The following KRIT1 variants were observed in gnomAD, a reference collection of about 807,000 sequenced individuals.
KRIT1 encodes KRIT1 ankyrin repeat containing.
Under a neutral mutation model 95.8 loss-of-function variants are expected in KRIT1, and 45 were observed. The observed-to-expected ratio is 0.47, with a 90% CI of 0.37 to 0.60. KRIT1 has a LOEUF of 0.60. KRIT1 is among the 20% of genes least tolerant of loss of function. The probability of loss-of-function intolerance (pLI) is 0.00; values close to 1 mark genes in which losing one functional copy is unlikely to be tolerated. For missense variants in KRIT1, 788 were observed against 877.5 expected (o/e 0.90, Z 1.29); for synonymous variants, 282 against 278.8 (o/e 1.01, Z -0.11).
chr7:92,216,504 T>C (rs1418192403), intron 14 of KRIT1, among the ~76,000 whole-genome samples: 1 of 152,040 alleles, frequency 6.6e-6, no homozygotes, highest in Non-Finnish European at 1.5e-5. Context: ...CTGGGAAACA[T>C]CTGAATTTGA....
At chr7:92,239,931 G>A (rs890653792) in intron 5 of KRIT1, among the ~76,000 whole-genome samples, 3 of 151,802 alleles carry the variant, frequency 2.0e-5, no homozygotes, top group East Asian at 1.9e-4. Context: ...AGCTGGTCTC[G>A]AACTCCTGAC....
chr7:92,228,312 G>A (rs1004632941), intron 10 of KRIT1, among the ~76,000 whole-genome samples: 1 of 152,186 alleles, frequency 6.6e-6, no homozygotes, highest in Non-Finnish European at 1.5e-5. Context: ...ACTTATGTAA[G>A]GCTGCACTCT....
intron 17 of KRIT1, chr7:92,202,471 A>C (rs939699125): frequency 1.3e-5 from 2 of 152,218 alleles, no homozygotes; most frequent in African/African-American, 4.8e-5. Context: ...TCTTGCCCTA[A>C]ACATGTATTA....
Position 92,200,611 on chromosome 7 carries a change from CA to C in KRIT1, c.*124del, listed in dbSNP as rs2131075735. 2 of 720,130 alleles carry C rather than the reference CA, an allele frequency of 2.8e-6. No individual in the cohort carries two copies. Among genetic ancestry groups the C allele is most frequent in the Non-Finnish European group, 5.1e-6 (2 of 395,336 alleles). The allele number at this position is 720,130 out of a possible 1,614,324, so 44.6% of individuals were successfully genotyped here. The stretch of plus-strand genomic sequence containing the variant: ...AGGTGATCCGCCTGCCCCAGCCTCC[CA>C]AAGTGCTGGAATTACAGGGGTGAGC... On this transcript the variant is annotated 3_prime_UTR_variant, in exon 19 of 19. Coordinates refer to ENST00000394505, the MANE Select transcript of KRIT1 (RefSeq NM_194454.3).
rs1355773774 is a variant in KRIT1 at position 92,225,844 on chromosome 7, G to T, written c.1147-17C>A. ...TGTTATATGCTAGAAATGTGGGTGG[G>T]GAGGGGGAAAAAAGGCATTACATAT... On this transcript the variant is annotated splice_polypyrimidine_tract_variant and intron_variant, in intron 11 of 18. Coordinates refer to ENST00000394505, the MANE Select transcript of KRIT1 (RefSeq NM_194454.3). 1.5e-6 allele frequency: 2 copies of T among 1,371,302 alleles called. No individual in the cohort carries two copies. The highest frequency in any genetic ancestry group is 2.1e-6 in the Non-Finnish European group (2 of 959,800). 84.9% of individuals were successfully genotyped at this position (1,371,302 alleles called of 1,614,324 possible). A position where few individuals can be genotyped will look rare whatever the true frequency, so the allele number is the denominator to read the frequency against.
chr7:92,214,867 T>C, intron 14 of KRIT1, 90 bp from the exon 15 acceptor site: 1 of 904,796 alleles, frequency 1.1e-6, no homozygotes, highest in Non-Finnish European at 1.8e-6. Context: ...AGCTACATAT[T>C]TGTATATAAA....
At chr7:92,235,885 T>A (rs189647056) in intron 7 of KRIT1, 5 of 404,374 alleles carry the variant, frequency 1.2e-5, no homozygotes, top group African/African-American at 1.0e-4. Context: ...TGTGATAATA[T>A]GTTCATATGA....
intron 3 of KRIT1, among the ~76,000 whole-genome samples, chr7:92,243,001 G>A (rs750577239): frequency 1.8e-4 from 27 of 152,118 alleles, no homozygotes; most frequent in Non-Finnish European, 2.9e-5. Context: ...GTGTCTTTTA[G>A]TAGAGATGGA....
chr7:92,235,220 G>C (rs1203813457), intron 8 of KRIT1, among the ~76,000 whole-genome samples, 183 bp downstream of exon 8: 1 of 152,030 alleles, frequency 6.6e-6, no homozygotes, highest in Non-Finnish European at 1.5e-5. Context: ...GGCTGGTCTC[G>C]AACTCCTGAC....
chr7:92,212,229 T>C (rs1387295895), intron 17 of KRIT1, among the ~76,000 whole-genome samples: 1 of 152,242 alleles, frequency 6.6e-6, no homozygotes, highest in African/African-American at 2.4e-5. Flanking sequence ...CAAAAGGTTC[T>C]TGTACTAATT....
intron 10 of KRIT1, among the ~76,000 whole-genome samples, chr7:92,231,909 C>T (rs1265534056): frequency 2.6e-5 from 4 of 152,094 alleles, no homozygotes; most frequent in Non-Finnish European, 5.9e-5. Context: ...ACATCAAAAT[C>T]TTTACATTTT....
At chr7:92,241,949 A>G in intron 4 of KRIT1, 85 bp downstream of exon 4, 8 of 812,690 alleles carry the variant, frequency 9.8e-6, no homozygotes, top group Non-Finnish European at 1.7e-5. Flanking sequence ...ATACAACTTT[A>G]CAAGATATAA....
chr7:92,233,252 AAAG>A, intron 10 of KRIT1, among the ~76,000 whole-genome samples: 1 of 152,244 alleles, frequency 6.6e-6, no homozygotes, highest in South Asian at 2.1e-4. Context: ...AGATAAATCA[AAAG>A]AATTTCGAGT....
chr7:92,223,062 C>G (rs1296592661), intron 12 of KRIT1, 84 bp from the exon 13 acceptor site: 1 of 826,722 alleles, frequency 1.2e-6, no homozygotes, highest in Non-Finnish European at 2.0e-6. Flanking sequence ...ACTTCATGTG[C>G]TTTATTATAG....
intron 3 of KRIT1, among the ~76,000 whole-genome samples, chr7:92,242,687 G>A (rs1028775977): frequency 3.3e-5 from 5 of 152,218 alleles, no homozygotes; most frequent in Admixed American, 1.3e-4. Flanking sequence ...GAGCTAAAGC[G>A]TAGTATGTAA....
intron 10 of KRIT1, among the ~76,000 whole-genome samples, chr7:92,228,243 T>G (rs1432968169): frequency 6.6e-6 from 1 of 152,122 alleles, no homozygotes; most frequent in Non-Finnish European, 1.5e-5. Context: ...TAAGCAAAGG[T>G]CTCAGAAGAG....
chr7:92,221,138 TAA>T (rs1795055019), intron 14 of KRIT1, among the ~76,000 whole-genome samples: 1 of 152,174 alleles, frequency 6.6e-6, no homozygotes, highest in Non-Finnish European at 1.5e-5. Context: ...CTGTTTGAGT[TAA>T]GATGAGCTAC....
intron 10 of KRIT1, 47 bp downstream of exon 10, chr7:92,234,402 A>C: frequency 7.3e-7 from 1 of 1,376,354 alleles, no homozygotes; most frequent in Non-Finnish European, 1.0e-6. Flanking sequence ...CATTTATAAT[A>C]AAAAATGTAT....
chr7:92,215,467 T>C (rs1793766194), intron 14 of KRIT1, among the ~76,000 whole-genome samples: 3 of 151,950 alleles, frequency 2.0e-5, no homozygotes. Flanking sequence ...TCAAGAAGAG[T>C]AAATTTTTGT....
Sources: gnomAD v4.1 joint callset for allele counts (sites outside exome capture counted in the v4.1 genomes callset) on GRCh38, gnomAD v4.1.1 for gene constraint, MANE v1.5 for transcripts, NCBI Gene and HGNC (gene_info 2026-07-23, HGNC 2026-07-21) for gene names.